Variants in FNDC3B observed in about 807,000 individuals in gnomAD.
FNDC3B encodes the protein fibronectin type III domain-containing protein 3B.
Under a neutral mutation model 151.5 loss-of-function variants are expected in FNDC3B, and 12 were observed. The ratio of observed to expected loss-of-function variants is 0.08; its 90% CI spans 0.05 to 0.13. FNDC3B has a LOEUF of 0.13. FNDC3B is among the 10% of genes least tolerant of loss of function. FNDC3B has a pLI of 1.00. For missense variants in FNDC3B, 1,214 were observed against 1,505.3 expected (o/e 0.81, Z 3.20); for synonymous variants, 528 against 549.0 (o/e 0.96, Z 0.54).
chr3:172,126,207 G>A (rs915733497), intron 2 of FNDC3B, among the ~76,000 whole-genome samples: 3 of 152,096 alleles, frequency 2.0e-5, no homozygotes, highest in Admixed American at 6.6e-5. Context: ...AACTGGCTCC[G>A]AATTCAACGT....
intron 1 of FNDC3B, among the ~76,000 whole-genome samples, chr3:172,047,704 T>A (rs563719731): frequency 5.3e-5 from 8 of 152,350 alleles, no homozygotes; most frequent in Admixed American, 3.3e-4. Context: ...GGTAGAACTA[T>A]ATTATTTGCT....
At chr3:172,057,754 A>G (rs925619425) in intron 1 of FNDC3B, among the ~76,000 whole-genome samples, 7 of 150,338 alleles carry the variant, frequency 4.7e-5, no homozygotes, top group Admixed American at 4.0e-4. Flanking sequence ...CAGTTTCTTC[A>G]GTGCCCCACC....
At chr3:172,381,181 T>C in intron 25 of FNDC3B, 88 bp downstream of exon 25, 7 of 1,461,634 alleles carry the variant, frequency 4.8e-6, no homozygotes, top group Non-Finnish European at 5.6e-6. Context: ...CAGTGAACTA[T>C]GTTTTTCTTA....
rs535994591 is a variant in FNDC3B, at chr3:172,044,424, G to T, written c.-29+4653G>T. 3.3e-5 allele frequency among the ~76,000 whole-genome samples: 5 copies of T among 151,970 alleles called. No homozygotes were observed. The South Asian group carries it at 1.0e-3, about 32-fold the overall frequency. On this transcript the variant is annotated intron_variant, in intron 1 of 25. Transcript: ENST00000415807. ...ATCTATTGTATCTTCCATAGTTATG[G>T]TACTGTCCTGGGATAATTGCAGTTC...
intron 14 of FNDC3B, among the ~76,000 whole-genome samples, chr3:172,334,164 T>G (rs1732829977): frequency 6.6e-6 from 1 of 152,226 alleles, no homozygotes; most frequent in South Asian, 2.1e-4. Context: ...AATTATCAAG[T>G]GCAGTGTGTG....
chr3:172,212,211 A>G (rs1215404254), intron 3 of FNDC3B, among the ~76,000 whole-genome samples: 1 of 152,224 alleles, frequency 6.6e-6, no homozygotes, highest in Non-Finnish European at 1.5e-5. Flanking sequence ...TCAATTAAAT[A>G]TCCATTAATA....
chr3:172,324,093 G>A (rs1732224346), intron 11 of FNDC3B, among the ~76,000 whole-genome samples: 1 of 152,156 alleles, frequency 6.6e-6, no homozygotes, highest in African/African-American at 2.4e-5. Flanking sequence ...TTTGCGCAAG[G>A]CACACTGGAC....
intron 4 of FNDC3B, among the ~76,000 whole-genome samples, chr3:172,238,328 G>A (rs904051828): frequency 1.3e-5 from 2 of 152,082 alleles, no homozygotes; most frequent in African/African-American, 4.8e-5. Context: ...GCAAATTTTT[G>A]TATTTTTTAT....
At chr3:172,379,952 C>T (rs953882) in intron 24 of FNDC3B, among the ~76,000 whole-genome samples, 39,958 of 151,992 alleles carry the variant, frequency 0.26, 5,304 homozygotes, top group Middle Eastern at 0.38. Flanking sequence ...CACTCTTAGA[C>T]TCAGGAAATT....
chr3:172,128,007 A>T (rs1720891127), intron 2 of FNDC3B, among the ~76,000 whole-genome samples: 1 of 152,154 alleles, frequency 6.6e-6, no homozygotes, highest in African/African-American at 2.4e-5. Flanking sequence ...CAGTATTAAA[A>T]CTTTTGGAGT....
chr3:172,226,166 G>A (rs4894821), intron 3 of FNDC3B, among the ~76,000 whole-genome samples: 38,417 of 151,684 alleles, frequency 0.25, 5,028 homozygotes, highest in East Asian at 0.44. Context: ...TTAGCTGGGC[G>A]TGGTGGCGGG....
chr3:172,344,367 A>G (rs942334032), intron 19 of FNDC3B, 109 bp downstream of exon 19: 2 of 873,670 alleles, frequency 2.3e-6, no homozygotes, highest in South Asian at 1.9e-5. Context: ...TCTTGATGCA[A>G]CCTTGACAAC....
At chr3:172,317,751 G>C (rs1042005832) in intron 11 of FNDC3B, among the ~76,000 whole-genome samples, 1 of 152,188 alleles carries the variant, frequency 6.6e-6, no homozygotes, top group African/African-American at 2.4e-5. Flanking sequence ...TCAACAATTA[G>C]AACAATCATG....
At chr3:172,152,632 T>C (rs967986356) in intron 3 of FNDC3B, among the ~76,000 whole-genome samples, 2 of 150,528 alleles carry the variant, frequency 1.3e-5, no homozygotes, top group Non-Finnish European at 1.5e-5. Flanking sequence ...GGTTTTGACA[T>C]TGGGGCTGTC....
intron 1 of FNDC3B, among the ~76,000 whole-genome samples, chr3:172,107,147 A>G (rs564362310): frequency 1.3e-5 from 2 of 152,276 alleles, no homozygotes; most frequent in African/African-American, 4.8e-5. Context: ...TTCCCTGTCA[A>G]TCAAAAGAAT....
rs1345503189 is a variant in FNDC3B, at chr3:172,400,261, C to CA, written c.*2789dup. ...TGTGAAGCAAACTGCCCTTTGTCCT[C>CA]AAAGAAATTGTTGAAAAAGAAAACT... On this transcript the variant is annotated 3_prime_UTR_variant, in exon 26 of 26. Coordinates refer to ENST00000415807, the MANE Select transcript of FNDC3B (RefSeq NM_022763.4). 2.6e-5 allele frequency: 4 copies of CA among 152,332 alleles called. No individual in the cohort carries two copies. The highest frequency in any genetic ancestry group is 9.7e-5 in the African/African-American group (4 of 41,420). The allele number at this position is 152,332 out of a possible 1,614,324, so 9.4% of individuals were successfully genotyped here. A position where few individuals can be genotyped will look rare whatever the true frequency, so the allele number is the denominator to read the frequency against.
Position 172,310,858 on chromosome 3 carries a change from A to G in FNDC3B, c.1231A>G (p.Asn411Asp). The change falls in exon 11 of 26, where the codon AAC becomes GAC. Residue 411 changes from asparagine (N) to aspartate (D), a missense_variant. By Grantham distance (23) the Asn-to-Asp change is conservative. Transcript: ENST00000415807. The stretch of plus-strand genomic sequence containing the variant: ...AATTGACAACGGTTCAAAAATCACC[A>G]ACTACCTTTTAGAGTGGGATGAGGT... Reference protein sequence around the residue: ...APIDNGSKITNYLLEWDEGKR... With the variant: ...APIDNGSKITDYLLEWDEGKR... 1 of 1,612,562 alleles carries G rather than the reference A, an allele frequency of 6.2e-7. No homozygotes were observed. Among genetic ancestry groups the G allele is most frequent in the Non-Finnish European group, 8.5e-7 (1 of 1,178,518 alleles).
At chr3:172,079,744 G>A (rs1010886346) in intron 1 of FNDC3B, among the ~76,000 whole-genome samples, 1 of 152,124 alleles carries the variant, frequency 6.6e-6, no homozygotes, top group African/African-American at 2.4e-5. Flanking sequence ...TTCTGATAAG[G>A]GCTTCTCCTC....
chr3:172,149,815 T>G (rs1379320717), intron 3 of FNDC3B, among the ~76,000 whole-genome samples: 4 of 110,200 alleles, frequency 3.6e-5, no homozygotes, highest in East Asian at 2.3e-4. Context: ...TGTTTTTTTT[T>G]TTTTTTTTTT....
Sources: gnomAD v4.1 joint callset for allele counts (sites outside exome capture counted in the v4.1 genomes callset) on GRCh38, gnomAD v4.1.1 for gene constraint, MANE v1.5 for transcripts, NCBI Gene and HGNC (gene_info 2026-07-23, HGNC 2026-07-21) for gene names.